Variants in DSE observed in about 807,000 individuals in gnomAD.
DSE encodes the protein dermatan-sulfate epimerase.
Under a neutral mutation model 84.4 loss-of-function variants are expected in DSE, and 36 were observed. The observed-to-expected ratio is 0.43, with a 90% confidence interval of 0.33 to 0.56. The LOEUF is 0.56. DSE is among the 20% of genes least tolerant of loss of function. The pLI is 0.06. For missense variants in DSE, 862 were observed against 1,169.6 expected, an observed-to-expected ratio of 0.74 and a Z score of 3.84; for synonymous variants, 410 against 430.1, an observed-to-expected ratio of 0.95 and a Z score of 0.58.
At chr6:116,398,436 A>G (rs1781387421) in intron 1 of DSE, among the ~76,000 whole-genome samples, 1 of 152,250 alleles carries the variant, frequency 6.6e-6, no homozygotes, top group African/African-American at 2.4e-5. Flanking sequence ...AGTAGACAGT[A>G]GTTTCAGATA....
chr6:116,329,977 T>G (rs78000705), intron 2 of DSE, among the ~76,000 whole-genome samples: 1,922 of 152,012 alleles, frequency 0.013, 44 homozygotes, highest in African/African-American at 0.044. Context: ...GCGCCTACCA[T>G]CACGCCCAGC....
intron 2 of DSE, among the ~76,000 whole-genome samples, chr6:116,337,617 A>G (rs985162268): frequency 1.3e-5 from 2 of 152,240 alleles, no homozygotes. Context: ...ATCTCAAAAA[A>G]TAAATAAATG....
chr6:116,314,618 A>G (rs1233860216), intron 2 of DSE, among the ~76,000 whole-genome samples: 1 of 152,198 alleles, frequency 6.6e-6, no homozygotes, highest in African/African-American at 2.4e-5. Context: ...TCTGGACTAA[A>G]TATATTTGGG....
intron 1 of DSE, among the ~76,000 whole-genome samples, chr6:116,382,037 C>CTGTGTGTGTGTG (rs58610779): frequency 0.038 from 5,540 of 144,770 alleles, 145 homozygotes; most frequent in Non-Finnish European, 0.052. Flanking sequence ...ACATGGCATT[C>CTGTGTGTGTGTG]TGTGTGTGTG....
intron 2 of DSE, among the ~76,000 whole-genome samples, chr6:116,282,893 T>G (rs1245053952): frequency 6.6e-6 from 1 of 152,196 alleles, no homozygotes; most frequent in Admixed American, 6.5e-5. Context: ...AATGTCAACA[T>G]GCACCAAGGC....
rs1248260501 is a variant in DSE, at chr6:116,436,666, C to T, written c.2198C>T (p.Pro733Leu). The change falls in exon 6 of 6, where the codon CCT (proline) becomes CTT (leucine). Residue 733 changes from proline to leucine, a missense_variant. By Grantham distance (98) the Pro-to-Leu change is moderately conservative (BLOSUM62 -3). Coordinates refer to ENST00000644252, the MANE Select transcript of DSE (RefSeq NM_013352.4). ...RNSAIKSSIV[P>L]EVKDYAAIVE... ...TCAGCCATCAAGAGCAGCATTGTCC[C>T]TGAGGTGAAGGACTATGCTGCTATT... is the stretch of plus-strand genomic sequence containing the variant. The T allele has an allele frequency of 3.7e-6, 6 of 1,614,044 alleles. No homozygotes were observed. In the Admixed American group the frequency reaches 5.0e-5, roughly 13 times the overall value.
Position 116,438,692 on chromosome 6 carries a change from C to T in DSE, c.*1347C>T, listed in dbSNP as rs1479293301. The T allele has an allele frequency of 1.3e-5, 2 of 152,106 alleles. No individual in the cohort carries two copies. Among genetic ancestry groups the T allele is most frequent in the East Asian group, 1.9e-4 (1 of 5,194 alleles). The allele number at this position is 152,106 out of a possible 1,614,324, so 9.4% of individuals were successfully genotyped here. ...CCTTTGAAACAAAATATGTTCAGCTCAAATTTTACAGTAAGGACACACTCA... is the reference window on the plus strand; with the variant it reads ...CCTTTGAAACAAAATATGTTCAGCTTAAATTTTACAGTAAGGACACACTCA... On this transcript the variant is annotated 3_prime_UTR_variant, in exon 6 of 6. Coordinates refer to ENST00000644252, the MANE Select transcript of DSE (RefSeq NM_013352.4).
At chr6:116,384,319 G>A (rs759947351) in intron 1 of DSE, among the ~76,000 whole-genome samples, 8 of 152,166 alleles carry the variant, frequency 5.3e-5, no homozygotes, top group Non-Finnish European at 1.0e-4. Context: ...GACCCATAGA[G>A]GACTCATGAA....
chr6:116,302,022 A>G (rs528221314), intron 2 of DSE, among the ~76,000 whole-genome samples: 2 of 152,016 alleles, frequency 1.3e-5, no homozygotes, highest in Non-Finnish European at 2.9e-5. Flanking sequence ...CATTTTCTTA[A>G]TCCAGTCTAT....
chr6:116,384,881 A>C (rs1354978794), intron 1 of DSE, among the ~76,000 whole-genome samples: 1 of 152,214 alleles, frequency 6.6e-6, no homozygotes, highest in African/African-American at 2.4e-5. Flanking sequence ...ATTATATAGT[A>C]GATTAGAAGG....
chr6:116,315,979 G>A (rs1420377678), intron 2 of DSE, among the ~76,000 whole-genome samples: 1 of 152,064 alleles, frequency 6.6e-6, no homozygotes, highest in Non-Finnish European at 1.5e-5. Flanking sequence ...GACAGAACAA[G>A]ATTCTGTCTA....
rs1776389550 is a variant in DSE at position 116,322,526 on chromosome 6, A to G, written c.-54+63559A>G. ...TCTTTAGACAAACCTTTCCTTCCCC[A>G]CCATCCCCAAAATTACTTCTGCCCC... On this transcript the variant is annotated intron_variant, in intron 2 of 3. Coordinates refer to the DSE transcript ENST00000430252. 3.3e-5 allele frequency among the ~76,000 whole-genome samples: 5 copies of G among 149,740 alleles called. No homozygotes were observed. In the South Asian group the frequency reaches 1.1e-3, roughly 32 times the overall value.
intron 2 of DSE, among the ~76,000 whole-genome samples, chr6:116,314,486 C>T (rs1280731274): frequency 1.3e-5 from 2 of 152,270 alleles, no homozygotes; most frequent in Admixed American, 1.3e-4. Context: ...GACTTTGGCT[C>T]AGATAAGTTA....
chr6:116,286,643 A>G (rs1406397159), intron 2 of DSE, among the ~76,000 whole-genome samples: 2 of 152,192 alleles, frequency 1.3e-5, no homozygotes, highest in Non-Finnish European at 2.9e-5. Flanking sequence ...AAAGTAATTT[A>G]TAATATTGTC....
At chr6:116,423,365 T>C (rs1763804017) in intron 2 of DSE, among the ~76,000 whole-genome samples, 1 of 89,694 alleles carries the variant, frequency 1.1e-5, no homozygotes, top group Non-Finnish European at 2.9e-5. Flanking sequence ...GCTTCTGCGT[T>C]CCCTCACAGG....
chr6:116,399,099 C>T, intron 1 of DSE, 99 bp from the exon 2 acceptor site: 1 of 958,192 alleles, frequency 1.0e-6, no homozygotes, highest in Non-Finnish European at 1.5e-6. Context: ...AATTCATAAG[C>T]TTTATTTTCA....
intron 1 of DSE, among the ~76,000 whole-genome samples, chr6:116,393,342 G>C (rs1781033144): frequency 6.6e-6 from 1 of 152,168 alleles, no homozygotes; most frequent in Admixed American, 6.5e-5. Context: ...GAAGCATTGT[G>C]TTCCAATTTC....
At chr6:116,269,284 G>T (rs1772772575) in intron 2 of DSE, among the ~76,000 whole-genome samples, 1 of 152,120 alleles carries the variant, frequency 6.6e-6, no homozygotes, top group Non-Finnish European at 1.5e-5. Context: ...GAATTATCAT[G>T]AAGGTGAAAT....
At chr6:116,327,692 T>C (rs1218889234) in intron 2 of DSE, among the ~76,000 whole-genome samples, 2 of 152,232 alleles carry the variant, frequency 1.3e-5, no homozygotes, top group African/African-American at 2.4e-5. Flanking sequence ...TTGTTTCCGG[T>C]GAGCCCATTA....
Sources: gnomAD v4.1 joint callset for allele counts (sites outside exome capture counted in the v4.1 genomes callset) on GRCh38, gnomAD v4.1.1 for gene constraint, MANE v1.5 for transcripts, NCBI Gene and HGNC (gene_info 2026-07-23, HGNC 2026-07-21) for gene names.